ATG4B: variants seen among roughly 807,000 people sequenced by gnomAD.
ATG4B encodes the protein cysteine protease ATG4B.
In ATG4B, 29 loss-of-function variants were observed where a neutral mutation model predicts 56.6. That is an observed-to-expected ratio of 0.51 (90% CI 0.38 to 0.70). The LOEUF is 0.70. Among genes scored for constraint, ATG4B ranks in the 30% least tolerant of loss-of-function variants. The pLI is 0.00. For missense variants in ATG4B, 461 were observed against 515.5 expected (o/e 0.89, Z 1.02); for synonymous variants, 224 against 206.1 (o/e 1.09, Z -0.74).
chr2:241,655,139 G>C, intron 5 of ATG4B, 132 bp from the exon 6 acceptor site: 1 of 806,316 alleles, frequency 1.2e-6, no homozygotes, highest in Non-Finnish European at 2.0e-6. Flanking sequence ...TCTTGTTGGG[G>C]CATCCTTCCG....
chr2:241,666,957 A>C, intron 8 of ATG4B, 119 bp downstream of exon 8: 2 of 1,222,592 alleles, frequency 1.6e-6, no homozygotes, highest in Non-Finnish European at 2.3e-6. Flanking sequence ...GGGGAGGGGT[A>C]AACAACCCTG....
At chr2:241,655,222 CAG>C (rs1559259033) in intron 5 of ATG4B, 47 bp from the exon 6 acceptor site, 1 of 1,561,844 alleles carries the variant, frequency 6.4e-7, no homozygotes, top group Non-Finnish European at 8.7e-7. Context: ...CACCAGAGGT[CAG>C]GGCTGGGGGC....
At chr2:241,638,786 C>T (rs1295465606) in intron 1 of ATG4B, among the ~76,000 whole-genome samples, 1 of 152,362 alleles carries the variant, frequency 6.6e-6, no homozygotes, top group East Asian at 1.9e-4. Flanking sequence ...CCCTAAGGAG[C>T]ATGTTGACCA....
chr2:241,648,847 T>C (rs936207297), intron 1 of ATG4B, among the ~76,000 whole-genome samples: 1 of 152,216 alleles, frequency 6.6e-6, no homozygotes, highest in African/African-American at 2.4e-5. Flanking sequence ...TTGCAGGTGC[T>C]TCTGAACCCT....
rs766300483 is a variant in ATG4B, at chr2:241,651,012, A to C, written c.13A>C (p.Thr5Pro). MDAA[T>P]LTYDTLRFAE... ...TTGTGCATCTTTGGTTTCAACAGCT[A>C]CTCTGACCTACGACACTCTCCGGTT... The change falls in exon 2 of 13, where the codon ACT becomes CCT. Residue 5 changes from threonine to proline, a missense_variant and splice_region_variant. Transcript: ENST00000404914. The surrounding 1 kb of genome is among the most constrained non-coding windows in gnomAD (Gnocchi z 4.1). The C allele has an allele frequency of 6.2e-7, 1 of 1,612,944 alleles. No individual in the cohort carries two copies. The highest frequency in any genetic ancestry group is 1.3e-5 in the African/African-American group (1 of 74,880).
chr2:241,639,850 G>A (rs1204938320), intron 1 of ATG4B, among the ~76,000 whole-genome samples: 2 of 152,250 alleles, frequency 1.3e-5, no homozygotes, highest in Non-Finnish European at 2.9e-5. Flanking sequence ...TAAAATAGGT[G>A]AAGGGTGGGG....
At position 241,668,799 on chromosome 2, in the gene ATG4B, T is replaced by G; in HGVS notation, c.957+114T>G. ...TTTTTCAGCATGTTGGGATAAGTAC[T>G]GTGTTCACGTGGTTGGGAATCTGAA... On this transcript the variant is annotated intron_variant, in intron 10 of 12. Coordinates refer to ENST00000404914, the MANE Select transcript of ATG4B (RefSeq NM_013325.5). This position sits in a 1 kb window ranked among gnomAD's most constrained non-coding sequence, Gnocchi z 4.2. The G allele has an allele frequency of 7.0e-7, 1 of 1,425,598 alleles. No individual in the cohort carries two copies. Among genetic ancestry groups the G allele is most frequent in the Middle Eastern group, 2.4e-4 (1 of 4,086 alleles). The allele number at this position is 1,425,598 out of a possible 1,614,324, so 88.3% of individuals were successfully genotyped here. A position where few individuals can be genotyped will look rare whatever the true frequency, so the allele number is the denominator to read the frequency against.
chr2:241,670,187 C>T (rs201994932), intron 10 of ATG4B, among the ~76,000 whole-genome samples: 1 of 152,210 alleles, frequency 6.6e-6, no homozygotes, highest in African/African-American at 2.4e-5. Context: ...TTGAGAATTC[C>T]TAGTGACTGT....
In ATG4B at chr2:241,668,459, G is replaced by A. The variant is rs996215964; in HGVS notation, c.812-81G>A. The A allele has an allele frequency of 2.6e-6, 4 of 1,532,544 alleles. No homozygotes were observed. Among genetic ancestry groups the A allele is most frequent in the Non-Finnish European group, 2.6e-6 (3 of 1,137,116 alleles). The allele number at this position is 1,532,544 out of a possible 1,614,324, so 94.9% of individuals were successfully genotyped here. The stretch of plus-strand genomic sequence containing the variant: ...TGCTTCTCAGTGTGATGTGGGTGCA[G>A]TGGGTCTGAAATGCGGCCTCCTCTG... On this transcript the variant is annotated intron_variant, in intron 9 of 12. Coordinates refer to ENST00000404914, the MANE Select transcript of ATG4B (RefSeq NM_013325.5). This position sits in a 1 kb window ranked among gnomAD's most constrained non-coding sequence, Gnocchi z 4.2.
chr2:241,642,034 A>T (rs573654541), intron 1 of ATG4B, among the ~76,000 whole-genome samples: 45 of 47,792 alleles, frequency 9.4e-4, no homozygotes, highest in African/African-American at 4.8e-3. Context: ...GGTTGGTAAT[A>T]AAAAAAAAAC....
chr2:241,666,665 G>T lies in ATG4B; in HGVS notation c.559G>T (p.Val187Phe). The change falls in exon 8 of 13, where the codon GTT becomes TTT. Residue 187 changes from valine to phenylalanine, a missense_variant. Transcript: ENST00000404914. Reference sequence around the variant, plus strand: ...TCTAGGAAGGTTGTGCAGGACCAGCGTTCCCTGTGCAGGCGCCACTGCGTT... The same window carrying T: ...TCTAGGAAGGTTGTGCAGGACCAGCTTTCCCTGTGCAGGCGCCACTGCGTT... Reference protein sequence around the residue: ...EEIRRLCRTSVPCAGATAFPA... With the variant: ...EEIRRLCRTSFPCAGATAFPA... 1 of 1,613,490 alleles carries T rather than the reference G, an allele frequency of 6.2e-7. No homozygotes were observed. Among genetic ancestry groups the T allele is most frequent in the Non-Finnish European group, 8.5e-7 (1 of 1,179,780 alleles).
intron 10 of ATG4B, among the ~76,000 whole-genome samples, chr2:241,669,628 C>G (rs945372512): frequency 6.6e-6 from 1 of 152,242 alleles, no homozygotes; most frequent in African/African-American, 2.4e-5. Context: ...CTGCCTCAGC[C>G]TCTGGATTAG....
intron 8 of ATG4B, among the ~76,000 whole-genome samples, chr2:241,667,599 A>C (rs1205632014): frequency 6.7e-6 from 1 of 149,546 alleles, no homozygotes; most frequent in Non-Finnish European, 1.5e-5. Context: ...GTGAGACTCC[A>C]TCTCAAATAA....
Position 241,666,721 on chromosome 2 carries a change from A to T in ATG4B, c.615A>T (p.Gly205=). Residue 205 remains glycine (G), a synonymous_variant, in exon 8 of 13, where the codon GGA becomes GGT. Transcript: ENST00000404914. ...FPADSDRHCN[G]FPAGAEVTNR... ...CAGATTCCGACCGGCACTGCAACGG[A>T]TTCCCTGCCGGAGCTGAGGTCACCA... 6.2e-7 allele frequency: 1 copy of T among 1,612,446 alleles called. No individual in the cohort carries two copies. The highest frequency in any genetic ancestry group is 8.5e-7 in the Non-Finnish European group (1 of 1,179,300).
In ATG4B at chr2:241,672,566, C is replaced by T. The variant is rs758666279; in HGVS notation, c.*302C>T. 34 of 416,482 alleles carry T rather than the reference C, an allele frequency of 8.2e-5. No individual in the cohort carries two copies. The highest frequency in any genetic ancestry group is 3.3e-4 in the Admixed American group (8 of 24,534). The allele number at this position is 416,482 out of a possible 1,614,324, so 25.8% of individuals were successfully genotyped here. On this transcript the variant is annotated 3_prime_UTR_variant, in exon 13 of 13. Coordinates refer to ENST00000404914, the MANE Select transcript of ATG4B (RefSeq NM_013325.5). ...CCGTGTTAGCACCTGGGCCTCAGTC[C>T]CACTTGCTCCCAGGCGCCGGTTCTG...
At chr2:241,669,740 C>T (rs971846737) in intron 10 of ATG4B, among the ~76,000 whole-genome samples, 15 of 152,330 alleles carry the variant, frequency 9.8e-5, no homozygotes, top group African/African-American at 3.1e-4. Flanking sequence ...ATCTCCTGAC[C>T]TCATGATCCA....
Position 241,672,419 on chromosome 2 carries a change from C to T in ATG4B, c.*155C>T, listed in dbSNP as rs1474053458. On this transcript the variant is annotated 3_prime_UTR_variant, in exon 13 of 13. Transcript: ENST00000404914. ...GTGCTCGTGGACTGAGGCTGCGCTG[C>T]CCGGGAGGCCTTACTGCTTGGTGTC... The T allele has an allele frequency of 4.4e-6, 3 of 681,596 alleles. No homozygotes were observed. Among genetic ancestry groups the T allele is most frequent in the East Asian group, 2.7e-5 (1 of 36,562 alleles). The allele number at this position is 681,596 out of a possible 1,614,324, so 42.2% of individuals were successfully genotyped here. A position where few individuals can be genotyped will look rare whatever the true frequency, so the allele number is the denominator to read the frequency against.
chr2:241,668,648 G>C lies in ATG4B; in HGVS notation c.920G>C (p.Arg307Pro). 6.3e-7 allele frequency: 1 copy of C among 1,582,176 alleles called. No homozygotes were observed. Among genetic ancestry groups the C allele is most frequent in the South Asian group, 1.2e-5 (1 of 86,492 alleles). Reference protein sequence around the residue: ...ESFHCQHPPCRMSIAELDPSI... With the variant: ...ESFHCQHPPCPMSIAELDPSI... ...TTCCACTGCCAGCACCCGCCGTGCC[G>C]CATGAGCATCGCGGAGCTTGACCCG... Residue 307 changes from arginine (R) to proline (P), a missense_variant, in exon 10 of 13, where the codon CGC becomes CCC. By Grantham distance (103) the Arg-to-Pro change is moderately radical (BLOSUM62 -2). Transcript: ENST00000404914. This position sits in a 1 kb window ranked among gnomAD's most constrained non-coding sequence, Gnocchi z 4.2.
intron 1 of ATG4B, among the ~76,000 whole-genome samples, chr2:241,643,748 C>T (rs1435105451): frequency 7.0e-6 from 1 of 143,302 alleles, no homozygotes; most frequent in Non-Finnish European, 1.5e-5. Flanking sequence ...CGGCTCACTG[C>T]AACGGGGTTT....
Sources: gnomAD v4.1 joint callset for allele counts (sites outside exome capture counted in the v4.1 genomes callset) on GRCh38, gnomAD v4.1.1 for gene constraint, Gnocchi (gnomAD v3.1) non-coding constraint, MANE v1.5 for transcripts, NCBI Gene and HGNC (gene_info 2026-07-23, HGNC 2026-07-21) for gene names.